PCSK5: variants seen among roughly 807,000 people sequenced by gnomAD.
PCSK5 encodes proprotein convertase subtilisin/kexin type 5, also known as prohormone convertase 5.
In PCSK5, 129 loss-of-function variants were observed where a neutral mutation model predicts 233.2. That is an observed-to-expected ratio of 0.55 (90% CI 0.48 to 0.64). The LOEUF (loss-of-function observed/expected upper bound fraction) is 0.64, where lower values mean the gene tolerates loss of function less well. Ranked by LOEUF, PCSK5 falls within the 30% of genes least tolerant of loss-of-function variation. The pLI is 0.00. For missense variants in PCSK5, 2,076 were observed against 2,430.1 expected, an observed-to-expected ratio of 0.85 and a Z score of 3.06; for synonymous variants, 825 against 879.2, an observed-to-expected ratio of 0.94 and a Z score of 1.09.
rs748577093 is a variant in PCSK5, at chr9:76,111,415, G to T, written c.1208+4064G>T. ...TCATGAGTCTTGCCTTTCTGCTAAA[G>T]TGAGAGATTTCCTCCTTGTTCTCAA... On this transcript the variant is annotated intron_variant, in intron 9 of 37. Coordinates refer to ENST00000674117, the MANE Select transcript of PCSK5 (RefSeq NM_001372043.1). 2.0e-5 allele frequency among the ~76,000 whole-genome samples: 3 copies of T among 152,288 alleles called. No individual in the cohort carries two copies. The South Asian group carries it at 6.2e-4, about 32-fold the overall frequency.
intron 9 of PCSK5, among the ~76,000 whole-genome samples, chr9:76,123,738 A>T (rs1358450086): frequency 6.6e-6 from 1 of 152,110 alleles, no homozygotes; most frequent in African/African-American, 2.4e-5. Flanking sequence ...TGTTTATTTT[A>T]TTTTGACCTT....
chr9:76,034,239 TC>T (rs1355216696), intron 5 of PCSK5, among the ~76,000 whole-genome samples: 1 of 152,040 alleles, frequency 6.6e-6, no homozygotes, highest in African/African-American at 2.4e-5. Flanking sequence ...CTGTAGTAGC[TC>T]TCAAAAGCCT....
intron 30 of PCSK5, among the ~76,000 whole-genome samples, chr9:76,319,802 A>T (rs1242216636): frequency 6.6e-6 from 1 of 152,044 alleles, no homozygotes; most frequent in South Asian, 2.1e-4. Flanking sequence ...CTCCTCCTGC[A>T]CTCCTGGTTC....
At chr9:76,319,192 C>T (rs945542804) in intron 30 of PCSK5, among the ~76,000 whole-genome samples, 3 of 151,982 alleles carry the variant, frequency 2.0e-5, no homozygotes, top group Non-Finnish European at 4.4e-5. Flanking sequence ...AGGCCGGGCG[C>T]GGTGGCTCAC....
rs749422808 is a variant in PCSK5, at chr9:76,189,713, G to A, written c.2593G>A (p.Gly865Arg). The A allele has an allele frequency of 1.9e-6, 3 of 1,610,792 alleles. No individual in the cohort carries two copies. Among genetic ancestry groups the A allele is most frequent in the Non-Finnish European group, 1.7e-6 (2 of 1,177,174 alleles). The change falls in exon 20 of 38, where the codon GGA becomes AGA. Residue 865 changes from glycine (G) to arginine (R), a missense_variant. By Grantham distance (125) the Gly-to-Arg change is moderately radical. Around this residue, in one of 6 missense-constraint regions of PCSK5, gnomAD observed 1,510 missense variants for 1,538.1 expected, o/e 0.98. Coordinates refer to ENST00000674117, the MANE Select transcript of PCSK5 (RefSeq NM_001372043.1). ...SCPSGYLLDL[G>R]MCQMGAICKD... ...CCCTAGTGGGTATCTCTTAGACTTA[G>A]GAATGTGTCAAATGGGAGCCATTTG...
chr9:76,076,490 A>C (rs564532053), intron 7 of PCSK5, among the ~76,000 whole-genome samples: 4 of 152,358 alleles, frequency 2.6e-5, no homozygotes, highest in Admixed American at 1.3e-4. Flanking sequence ...CCAGGGTGGC[A>C]GCAGCATCAA....
rs148865494 is a variant in PCSK5, at chr9:75,904,948, A to G, written c.192+13575A>G. 6.8e-3 allele frequency among the ~76,000 whole-genome samples: 1,034 copies of G among 152,328 alleles called. 10 individuals are homozygous for G. The highest frequency in any genetic ancestry group is 0.014 in the Middle Eastern group (4 of 294). ...TACAATTTGGTGTATTCATATTAAT[A>G]TTATGGAATATTTTTTCACAATGGA... On this transcript the variant is annotated intron_variant, in intron 1 of 37. Coordinates refer to ENST00000674117, the MANE Select transcript of PCSK5 (RefSeq NM_001372043.1).
At chr9:76,327,412 C>A (rs1385180783) in intron 32 of PCSK5, among the ~76,000 whole-genome samples, 1 of 152,152 alleles carries the variant, frequency 6.6e-6, no homozygotes, top group Admixed American at 6.5e-5. Context: ...CAGCCCCCGT[C>A]TCTAGTTAAA....
At position 75,890,708 on chromosome 9, in the gene PCSK5, A is replaced by G; in HGVS notation, c.-474A>G. The G allele has an allele frequency of 6.4e-6, 1 of 156,310 alleles. No individual in the cohort carries two copies. Among genetic ancestry groups the G allele is most frequent in the Non-Finnish European group, 1.4e-5 (1 of 70,680 alleles). The allele number at this position is 156,310 out of a possible 1,614,324, so 9.7% of individuals were successfully genotyped here. A position where few individuals can be genotyped will look rare whatever the true frequency, so the allele number is the denominator to read the frequency against. ...ATCCTCGCGCGCTGCTCGGAGCCGG[A>G]GGGAGCGCTGGGAGCGAGCAAGCGA... On this transcript the variant is annotated 5_prime_UTR_variant, in exon 1 of 38. Transcript: ENST00000674117.
intron 24 of PCSK5, among the ~76,000 whole-genome samples, chr9:76,269,310 A>G (rs1449718390): frequency 6.6e-6 from 1 of 152,150 alleles, no homozygotes; most frequent in Non-Finnish European, 1.5e-5. Flanking sequence ...GTTGTTTAGA[A>G]CCATTCAGCA....
chr9:76,062,726 A>G (rs1276634156), intron 5 of PCSK5, among the ~76,000 whole-genome samples: 1 of 152,238 alleles, frequency 6.6e-6, no homozygotes, highest in East Asian at 1.9e-4. Context: ...CAATATATGC[A>G]TGCAATGTAT....
intron 1 of PCSK5, among the ~76,000 whole-genome samples, chr9:75,902,214 TAA>T (rs200579439): frequency 1.5e-4 from 8 of 53,288 alleles, no homozygotes; most frequent in African/African-American, 4.8e-4. Context: ...AGACACCATC[TAA>T]AAAAAAAAAA....
intron 20 of PCSK5, among the ~76,000 whole-genome samples, chr9:76,206,923 A>G (rs1467255497): frequency 1.3e-5 from 2 of 152,166 alleles, no homozygotes. Flanking sequence ...TCAGGGTTTC[A>G]GTAGGGCCAC....
intron 24 of PCSK5, among the ~76,000 whole-genome samples, chr9:76,277,180 A>G (rs1037136594): frequency 1.3e-5 from 2 of 152,202 alleles, no homozygotes; most frequent in Non-Finnish European, 2.9e-5. Context: ...CAGTGAGATC[A>G]TGCCACTGCA....
chr9:76,094,388 T>A (rs919863149), intron 7 of PCSK5, among the ~76,000 whole-genome samples: 2 of 152,218 alleles, frequency 1.3e-5, no homozygotes, highest in African/African-American at 4.8e-5. Context: ...CACTTCCTAA[T>A]AGAAAATGAT....
chr9:76,028,798 T>C (rs1441213710), intron 5 of PCSK5, among the ~76,000 whole-genome samples: 1 of 152,118 alleles, frequency 6.6e-6, no homozygotes, highest in Non-Finnish European at 1.5e-5. Flanking sequence ...AGGGCTATTA[T>C]CAGTTTTGTT....
At chr9:76,003,526 C>A (rs763657581) in intron 3 of PCSK5, among the ~76,000 whole-genome samples, 1 of 152,078 alleles carries the variant, frequency 6.6e-6, no homozygotes, top group South Asian at 2.1e-4. Flanking sequence ...AGTTAATATT[C>A]TTTTCTGTCT....
At chr9:76,279,482 C>T (rs1454681675) in intron 24 of PCSK5, among the ~76,000 whole-genome samples, 14 of 151,910 alleles carry the variant, frequency 9.2e-5, no homozygotes, top group East Asian at 7.8e-4. Context: ...CCTGAGGAAT[C>T]GCCACACTGA....
chr9:76,348,928 T>C (rs900320901), intron 35 of PCSK5, among the ~76,000 whole-genome samples: 2 of 151,968 alleles, frequency 1.3e-5, no homozygotes, highest in African/African-American at 4.8e-5. Flanking sequence ...TAAAAAAAAC[T>C]CTCTTGTATG....
Sources: allele counts gnomAD v4.1 joint callset (sites outside exome capture counted in the v4.1 genomes callset), GRCh38; gene constraint gnomAD v4.1.1; regional missense constraint gnomAD v4.1.1; transcripts MANE v1.5; gene names NCBI Gene and HGNC (gene_info 2026-07-23, HGNC 2026-07-21).